Variants in DLG2 observed in about 807,000 individuals in gnomAD.
DLG2 encodes disks large homolog 2.
In DLG2, 45 loss-of-function variants were observed where a neutral mutation model predicts 132.5. That is an observed-to-expected ratio of 0.34 (90% CI 0.27 to 0.44). The LOEUF is 0.44. Ranked by LOEUF, DLG2 falls within the 20% of genes least tolerant of loss-of-function variation. The pLI, the probability that DLG2 is intolerant of heterozygous loss-of-function variation, is 1.00. For synonymous variants in DLG2, 424 were observed against 419.6 expected (o/e 1.01, Z -0.13); for missense variants, 1,045 against 1,196.9 (o/e 0.87, Z 1.87).
intron 6 of DLG2, among the ~76,000 whole-genome samples, chr11:84,899,502 C>T (rs1157937338): frequency 1.3e-5 from 2 of 152,010 alleles, no homozygotes; most frequent in Admixed American, 6.6e-5. Context: ...TTGGTAACAT[C>T]CAAAAACACG....
intron 17 of DLG2, among the ~76,000 whole-genome samples, chr11:83,830,617 GCA>G (rs1457191978): frequency 6.6e-6 from 1 of 152,202 alleles, no homozygotes; most frequent in Non-Finnish European, 1.5e-5. Context: ...AATGTGATGT[GCA>G]CACAGTGCGG....
At chr11:84,356,532 T>C (rs902915771) in intron 7 of DLG2, among the ~76,000 whole-genome samples, 5 of 152,124 alleles carry the variant, frequency 3.3e-5, no homozygotes, top group Admixed American at 1.3e-4. Context: ...GTAAGTTACA[T>C]AATGGCTGTG....
intron 4 of DLG2, among the ~76,000 whole-genome samples, chr11:85,262,161 G>T (rs1595783653): frequency 6.6e-6 from 1 of 152,122 alleles, no homozygotes; most frequent in Non-Finnish European, 1.5e-5. Flanking sequence ...ACAGTGTTGG[G>T]GACAAGGGTC....
At chr11:84,210,445 G>C (rs555652643) in intron 8 of DLG2, among the ~76,000 whole-genome samples, 9 of 149,884 alleles carry the variant, frequency 6.0e-5, no homozygotes, top group African/African-American at 2.2e-4. Context: ...TAGATGACGA[G>C]TTAGTGGGTG....
intron 6 of DLG2, among the ~76,000 whole-genome samples, chr11:84,759,038 T>C (rs1449361290): frequency 1.3e-5 from 2 of 152,044 alleles, no homozygotes; most frequent in Admixed American, 1.3e-4. Flanking sequence ...CCACCATGCC[T>C]GGCTAATTTT....
intron 7 of DLG2, chr11:84,437,241 C>T (rs182101793): frequency 8.1e-4 from 124 of 152,308 alleles, no homozygotes; most frequent in African/African-American, 2.8e-3. Flanking sequence ...AGTGTTACCC[C>T]TTTTCATAGT....
intron 11 of DLG2, among the ~76,000 whole-genome samples, chr11:84,016,180 C>T (rs867119970): frequency 1.3e-5 from 2 of 151,962 alleles, no homozygotes; most frequent in Admixed American, 6.6e-5. Flanking sequence ...CCTCTGTCTT[C>T]CTTTGAGAAA....
At chr11:83,506,441 C>T (rs1306176338) in intron 21 of DLG2, among the ~76,000 whole-genome samples, 1 of 152,112 alleles carries the variant, frequency 6.6e-6, no homozygotes, top group Non-Finnish European at 1.5e-5. Context: ...TGTAGTGCAC[C>T]TCCTCATGGG....
In DLG2 at chr11:85,510,350, A is replaced by AAAACACCAAAAGC. The variant is rs1313432814; in HGVS notation, c.40+88306_40+88307insGCTTTTGGTGTTT. 2.6e-3 allele frequency among the ~76,000 whole-genome samples: 399 copies of AAAACACCAAAAGC among 152,242 alleles called. 1 individual carries two copies. The highest frequency in any genetic ancestry group is 9.1e-3 in the African/African-American group (378 of 41,570). ...ACAAAACACCAAAAGCAATGGCAAC[A>AAAACACCAAAAGC]AAAGCCAAAATTGACAAATGGGATC... On this transcript the variant is annotated intron_variant, in intron 3 of 27. Coordinates refer to ENST00000376104, the MANE Select transcript of DLG2 (RefSeq NM_001142699.3).
intron 10 of DLG2, among the ~76,000 whole-genome samples, chr11:84,081,790 T>C (rs2096907873): frequency 6.6e-6 from 1 of 152,238 alleles, no homozygotes. Context: ...CGTGTGCATG[T>C]GTCTTTATAG....
intron 5 of DLG2, chr11:85,132,693 G>T: frequency 2.2e-6 from 1 of 456,444 alleles, no homozygotes; most frequent in Non-Finnish European, 4.4e-6. Context: ...GCACCTACTA[G>T]AACTGTTTAA....
intron 6 of DLG2, among the ~76,000 whole-genome samples, chr11:84,831,078 CTCTT>C (rs2079004049): frequency 6.7e-6 from 1 of 150,076 alleles, no homozygotes; most frequent in Admixed American, 6.7e-5. Flanking sequence ...AAACTGTTCT[CTCTT>C]TGAGAACATG....
intron 6 of DLG2, among the ~76,000 whole-genome samples, chr11:84,723,917 A>T (rs1287009720): frequency 6.6e-6 from 1 of 152,198 alleles, no homozygotes; most frequent in Non-Finnish European, 1.5e-5. Flanking sequence ...ATAATTACAA[A>T]AAACAGGATT....
At chr11:84,451,108 G>C (rs996214622) in intron 7 of DLG2, among the ~76,000 whole-genome samples, 1 of 151,840 alleles carries the variant, frequency 6.6e-6, no homozygotes, top group African/African-American at 2.4e-5. Context: ...AGCAGCTAAA[G>C]AGTTGAGCCC....
At chr11:85,590,501 A>G (rs1282462905) in intron 3 of DLG2, among the ~76,000 whole-genome samples, 2 of 152,182 alleles carry the variant, frequency 1.3e-5, no homozygotes, top group African/African-American at 4.8e-5. Context: ...ATCACATTCT[A>G]TTAACTTGAT....
chr11:85,394,529 A>T, intron 3 of DLG2, among the ~76,000 whole-genome samples: 1 of 152,234 alleles, frequency 6.6e-6, no homozygotes. Context: ...AACACACTGA[A>T]ATGTGTAAAC....
At chr11:84,320,786 G>C (rs1285705859) in intron 7 of DLG2, among the ~76,000 whole-genome samples, 1 of 152,206 alleles carries the variant, frequency 6.6e-6, no homozygotes, top group East Asian at 1.9e-4. Context: ...ATAGAAGGTA[G>C]AAAAAACTTT....
chr11:84,317,492 A>G, intron 7 of DLG2: 1 of 445,064 alleles, frequency 2.2e-6, no homozygotes, highest in Non-Finnish European at 3.0e-6. Context: ...CCTACAGTAA[A>G]GAATAACTCT....
At chr11:83,486,276 T>C (rs751952336) in intron 21 of DLG2, 19 of 688,480 alleles carry the variant, frequency 2.8e-5, no homozygotes, top group Admixed American at 1.7e-4. Flanking sequence ...AAAAAAATCA[T>C]GTAAGAATTA....
Sources: allele counts gnomAD v4.1 joint callset (sites outside exome capture counted in the v4.1 genomes callset), GRCh38; gene constraint gnomAD v4.1.1; transcripts MANE v1.5; gene names NCBI Gene and HGNC (gene_info 2026-07-23, HGNC 2026-07-21).